The following CYP27C1 variants were observed in gnomAD, a reference collection of about 807,000 sequenced individuals.
CYP27C1 encodes the protein cytochrome P450 family 27 subfamily C member 1.
Under a neutral mutation model 40.6 loss-of-function variants are expected in CYP27C1, and 29 were observed. The ratio of observed to expected loss-of-function variants is 0.71; its 90% confidence interval spans 0.53 to 0.97. The LOEUF (loss-of-function observed/expected upper bound fraction) is 0.97, where lower values mean the gene tolerates loss of function less well. Among genes scored for constraint, CYP27C1 ranks in the 50% least tolerant of loss-of-function variants. The pLI is 0.00. For synonymous variants in CYP27C1, 198 were observed against 186.8 expected (o/e 1.06, Z -0.49); for missense variants, 390 against 485.8 (o/e 0.80, Z 1.85).
intron 2 of CYP27C1, among the ~76,000 whole-genome samples, chr2:127,204,630 C>G (rs1356039366): frequency 7.8e-6 from 1 of 127,616 alleles, no homozygotes; most frequent in Admixed American, 7.6e-5. Context: ...AGAAAGAAGA[C>G]TGCAGCTTGT....
At chr2:127,193,982 C>T in intron 6 of CYP27C1, 115 bp from the exon 7 acceptor site, 1 of 1,170,036 alleles carries the variant, frequency 8.5e-7, no homozygotes, top group African/African-American at 1.5e-5. Flanking sequence ...AAAAGTAACA[C>T]ATGGTACATT....
At chr2:127,189,652 G>C (rs1682720328) in intron 8 of CYP27C1, among the ~76,000 whole-genome samples, 1 of 149,740 alleles carries the variant, frequency 6.7e-6, no homozygotes, top group South Asian at 2.1e-4. Flanking sequence ...AGGCTCCACT[G>C]TTGCTTCTGT....
chr2:127,203,044 T>G (rs1392656303), intron 3 of CYP27C1, among the ~76,000 whole-genome samples: 1 of 152,008 alleles, frequency 6.6e-6, no homozygotes, highest in Non-Finnish European at 1.5e-5. Context: ...GGCAGGTGCC[T>G]GTAATCCCAG....
intron 1 of CYP27C1, among the ~76,000 whole-genome samples, chr2:127,214,672 T>A (rs893136281): frequency 6.7e-6 from 1 of 149,184 alleles, no homozygotes; most frequent in African/African-American, 2.5e-5. Flanking sequence ...CCTGCTGGGG[T>A]GGGGGTTGAG....
At position 127,200,790 on chromosome 2, in the gene CYP27C1, A is replaced by G. The variant is rs1225855810; in HGVS notation, c.883+332T>C. 1.3e-5 allele frequency among the ~76,000 whole-genome samples: 2 copies of G among 151,934 alleles called. No homozygotes were observed. Among genetic ancestry groups the G allele is most frequent in the African/African-American group, 4.8e-5 (2 of 41,384 alleles). ...AGCCTGGCCAACATGGTGAAACCCCATCTCTACTAAAAATACAAAATAATT... is the reference window on the plus strand; with the variant it reads ...AGCCTGGCCAACATGGTGAAACCCCGTCTCTACTAAAAATACAAAATAATT... On this transcript the variant is annotated intron_variant, in intron 4 of 8. Transcript: ENST00000664447. The surrounding 1 kb of genome is among the most constrained non-coding windows in gnomAD (Gnocchi z 4.2).
rs987995685 is a variant in CYP27C1, at chr2:127,219,460, G to C, written c.282+529C>G. Among the ~76,000 whole-genome samples the C allele has an allele frequency of 1.3e-5, 2 of 151,360 alleles. No homozygotes were observed. Among genetic ancestry groups the C allele is most frequent in the Non-Finnish European group, 2.9e-5 (2 of 67,802 alleles). On this transcript the variant is annotated intron_variant, in intron 1 of 8. Coordinates refer to ENST00000664447, the MANE Select transcript of CYP27C1 (RefSeq NM_001367502.1). This position sits in a 1 kb window ranked among gnomAD's most constrained non-coding sequence, Gnocchi z 8.7. ...GCAATCCCTGCCTGGGTCCCTCCCC[G>C]GGACCAGTCCCTGGAGACCCTGCCC...
intron 1 of CYP27C1, among the ~76,000 whole-genome samples, chr2:127,214,799 T>C (rs10205652): frequency 1.1e-5 from 1 of 95,210 alleles, no homozygotes; most frequent in African/African-American, 3.2e-5. Flanking sequence ...TTTTTTTTTT[T>C]GGTTTTTTTT....
chr2:127,201,823 G>T lies in CYP27C1; in HGVS notation c.674-492C>A, dbSNP rs1185804192. 6.6e-6 allele frequency among the ~76,000 whole-genome samples: 1 copy of T among 152,176 alleles called. No homozygotes were observed. Among genetic ancestry groups the T allele is most frequent in the Non-Finnish European group, 1.5e-5 (1 of 68,028 alleles). On this transcript the variant is annotated intron_variant, in intron 3 of 8. Coordinates refer to ENST00000664447, the MANE Select transcript of CYP27C1 (RefSeq NM_001367502.1). The surrounding 1 kb of genome is among the most constrained non-coding windows in gnomAD (Gnocchi z 6.0). ...CCTTCCAGCCACTTGCCCAACTTGAGGAATTGAAAAGTGACTCCTCCTGGC... is the reference window on the plus strand; with the variant it reads ...CCTTCCAGCCACTTGCCCAACTTGATGAATTGAAAAGTGACTCCTCCTGGC...
At chr2:127,205,766 C>T (rs1683213236) in intron 2 of CYP27C1, 134 bp downstream of exon 2, 1 of 985,460 alleles carries the variant, frequency 1.0e-6, no homozygotes, top group Non-Finnish European at 1.2e-6. Flanking sequence ...CACAAGGAGA[C>T]TGTCTGATAT....
At chr2:127,217,696 G>A (rs1683459514) in intron 1 of CYP27C1, among the ~76,000 whole-genome samples, 1 of 152,190 alleles carries the variant, frequency 6.6e-6, no homozygotes, top group Admixed American at 6.5e-5. Context: ...TAGGCAAGTC[G>A]CTTAGGTAAC....
At chr2:127,211,576 G>A (rs1477238139) in intron 1 of CYP27C1, among the ~76,000 whole-genome samples, 11 of 151,468 alleles carry the variant, frequency 7.3e-5, no homozygotes, top group African/African-American at 1.9e-4. Flanking sequence ...TAGTAGAGAC[G>A]GGGTTTCACC....
At chr2:127,211,413 C>T (rs1458778767) in intron 1 of CYP27C1, among the ~76,000 whole-genome samples, 33 of 121,510 alleles carry the variant, frequency 2.7e-4, no homozygotes, top group African/African-American at 1.1e-3. Flanking sequence ...GATGGAGTCT[C>T]GCTCTTTCAC....
chr2:127,203,183 A>G (rs936827825), intron 3 of CYP27C1, among the ~76,000 whole-genome samples, 189 bp downstream of exon 3: 7 of 151,480 alleles, frequency 4.6e-5, no homozygotes. Context: ...AAAAAAAAAA[A>G]AGTCTCAGTT....
chr2:127,211,894 G>A (rs1362963447), intron 1 of CYP27C1, among the ~76,000 whole-genome samples: 1 of 152,042 alleles, frequency 6.6e-6, no homozygotes. Context: ...AAAAATCAAT[G>A]AATCCAGGAA....
intron 8 of CYP27C1, among the ~76,000 whole-genome samples, chr2:127,188,796 T>C (rs79702183): frequency 0.023 from 3,538 of 152,268 alleles, 67 homozygotes; most frequent in Non-Finnish European, 0.034. Context: ...ATTATCTCTT[T>C]AAGGTATCTC....
At chr2:127,214,403 G>A (rs879332149) in intron 1 of CYP27C1, among the ~76,000 whole-genome samples, 1 of 152,150 alleles carries the variant, frequency 6.6e-6, no homozygotes, top group Non-Finnish European at 1.5e-5. Context: ...ACAGTAGCAA[G>A]GACATGGAAC....
intron 8 of CYP27C1, among the ~76,000 whole-genome samples, chr2:127,189,102 C>A (rs1330043827): frequency 6.6e-6 from 1 of 151,848 alleles, no homozygotes; most frequent in Admixed American, 6.6e-5. Flanking sequence ...GGTATTTTTT[C>A]TTTTCTGAGT....
intron 1 of CYP27C1, among the ~76,000 whole-genome samples, chr2:127,217,632 A>G (rs1683458257): frequency 6.6e-6 from 1 of 152,196 alleles, no homozygotes; most frequent in South Asian, 2.1e-4. Context: ...CCTAAATAGC[A>G]TCTAGTGACC....
At chr2:127,191,476 G>A (rs893226897) in intron 8 of CYP27C1, among the ~76,000 whole-genome samples, 5 of 152,104 alleles carry the variant, frequency 3.3e-5, no homozygotes, top group African/African-American at 7.2e-5. Flanking sequence ...CCAACTCACC[G>A]ATGCCCTTCG....
Sources: gnomAD v4.1 joint callset for allele counts (sites outside exome capture counted in the v4.1 genomes callset) on GRCh38, gnomAD v4.1.1 for gene constraint, Gnocchi (gnomAD v3.1) non-coding constraint, MANE v1.5 for transcripts, NCBI Gene and HGNC (gene_info 2026-07-23, HGNC 2026-07-21) for gene names.